CIMIP6: variants seen among roughly 807,000 people sequenced by gnomAD.
CIMIP6 encodes the protein uncharacterized protein C2orf73.
chr2:54,381,879 C>T, the CIMIP6 span: 2 of 1,549,958 alleles, frequency 1.3e-6, no homozygotes, highest in African/African-American at 2.7e-5. Context: ...AAGACTGTAA[C>T]AGTGGTCCTG....
the CIMIP6 span, among the ~76,000 whole-genome samples, chr2:54,336,610 G>A: frequency 6.6e-6 from 1 of 151,978 alleles, no homozygotes; most frequent in African/African-American, 2.4e-5. Context: ...GTAAATGGGG[G>A]AAAAAAATCC....
chr2:54,347,652 A>C, the CIMIP6 span, among the ~76,000 whole-genome samples: 1 of 152,138 alleles, frequency 6.6e-6, no homozygotes, highest in East Asian at 1.9e-4. Context: ...GGGATCCCCC[A>C]AAATCAGGGT....
the CIMIP6 span, among the ~76,000 whole-genome samples, chr2:54,353,170 A>AT: frequency 6.6e-6 from 1 of 152,186 alleles, no homozygotes; most frequent in Admixed American, 6.5e-5. Context: ...CTGTCATCTG[A>AT]TTTTAACCCA....
the CIMIP6 span, among the ~76,000 whole-genome samples, chr2:54,367,469 T>C: frequency 1.3e-5 from 2 of 152,094 alleles, no homozygotes; most frequent in African/African-American, 4.8e-5. Flanking sequence ...AGGATTTTTT[T>C]TGAAAAAGCA....
the CIMIP6 span, among the ~76,000 whole-genome samples, chr2:54,365,149 G>T: frequency 6.6e-6 from 1 of 152,140 alleles, no homozygotes; most frequent in South Asian, 2.1e-4. Context: ...CCATTAGCCT[G>T]GGAATTAGGG....
At chr2:54,367,303 C>T in the CIMIP6 span, among the ~76,000 whole-genome samples, 1 of 152,000 alleles carries the variant, frequency 6.6e-6, no homozygotes, top group Non-Finnish European at 1.5e-5. Context: ...ATAATAGATT[C>T]TAGGGGACTT....
chr2:54,333,917 G>A, the CIMIP6 span, among the ~76,000 whole-genome samples: 1 of 151,824 alleles, frequency 6.6e-6, no homozygotes, highest in African/African-American at 2.4e-5. Flanking sequence ...AAAATGATGT[G>A]GTAGAAGAGA....
chr2:54,336,130 C>G, the CIMIP6 span, among the ~76,000 whole-genome samples: 1 of 152,186 alleles, frequency 6.6e-6, no homozygotes, highest in African/African-American at 2.4e-5. Context: ...TACCCTTACA[C>G]AGTAAATTAG....
chr2:54,357,600 A>C, the CIMIP6 span, among the ~76,000 whole-genome samples: 1 of 136,326 alleles, frequency 7.3e-6, no homozygotes, highest in Non-Finnish European at 1.6e-5. Context: ...TTTTTGAGAC[A>C]CAGTCTTGCT....
the CIMIP6 span, chr2:54,334,919 T>C: frequency 6.3e-7 from 1 of 1,587,766 alleles, no homozygotes; most frequent in Non-Finnish European, 8.6e-7. Context: ...CAAAATCACA[T>C]GTTGGAAGAG....
At chr2:54,363,401 C>A in the CIMIP6 span, among the ~76,000 whole-genome samples, 1,343 of 152,184 alleles carry the variant, frequency 8.8e-3, 14 homozygotes, top group Middle Eastern at 0.024. Flanking sequence ...CCACAGTTAC[C>A]CTGGCTTAAC....
chr2:54,355,431 G>A, the CIMIP6 span, among the ~76,000 whole-genome samples: 1 of 152,058 alleles, frequency 6.6e-6, no homozygotes, highest in African/African-American at 2.4e-5. Flanking sequence ...TGCATCCTTT[G>A]TGTCTCATTG....
chr2:54,341,897 CTA>C, the CIMIP6 span, among the ~76,000 whole-genome samples: 1 of 152,152 alleles, frequency 6.6e-6, no homozygotes, highest in African/African-American at 2.4e-5. Context: ...TAAGATGTGA[CTA>C]TTTTCAGCCA....
the CIMIP6 span, among the ~76,000 whole-genome samples, chr2:54,344,090 A>G: frequency 6.6e-6 from 1 of 152,168 alleles, no homozygotes; most frequent in Non-Finnish European, 1.5e-5. Flanking sequence ...TGAAAATTGT[A>G]TTGATCATTA....
At chr2:54,377,612 T>A in the CIMIP6 span, among the ~76,000 whole-genome samples, 1 of 152,200 alleles carries the variant, frequency 6.6e-6, no homozygotes, top group African/African-American at 2.4e-5. Flanking sequence ...CTACAGACAC[T>A]ATTTTTCCCA....
the CIMIP6 span, among the ~76,000 whole-genome samples, chr2:54,333,847 A>G: frequency 6.6e-6 from 1 of 152,132 alleles, no homozygotes; most frequent in Admixed American, 6.5e-5. Flanking sequence ...GAGCGGAGAT[A>G]GCACCACTGC....
the CIMIP6 span, among the ~76,000 whole-genome samples, chr2:54,374,762 T>G: frequency 6.6e-6 from 1 of 152,224 alleles, no homozygotes; most frequent in Non-Finnish European, 1.5e-5. Context: ...AATCAGCCAG[T>G]GCTAAATTTT....
chr2:54,372,777 A>G, the CIMIP6 span, among the ~76,000 whole-genome samples: 1 of 152,166 alleles, frequency 6.6e-6, no homozygotes. Flanking sequence ...ATTAAGGAGG[A>G]GGGACAAGTC....
chr2:54,360,434 G>T, the CIMIP6 span: 3 of 1,595,720 alleles, frequency 1.9e-6, no homozygotes, highest in African/African-American at 4.0e-5. Context: ...CGTCAGACAG[G>T]CAGCCAAGGC....
Sources: gnomAD v4.1 joint callset for allele counts (sites outside exome capture counted in the v4.1 genomes callset) on GRCh38, gnomAD v4.1.1 for gene constraint, MANE v1.5 for transcripts, NCBI Gene and HGNC (gene_info 2026-07-23, HGNC 2026-07-21) for gene names.